Variants in CELSR1 observed in about 807,000 individuals in gnomAD.
CELSR1 encodes the protein cadherin EGF LAG seven-pass G-type receptor 1, also known as adhesion G protein-coupled receptor C1.
CELSR1 carries 110 observed loss-of-function variants against 249.1 expected under a neutral mutation model. The observed-to-expected ratio is 0.44, with a 90% CI of 0.38 to 0.52. The LOEUF (loss-of-function observed/expected upper bound fraction) is 0.52, where lower values mean the gene tolerates loss of function less well. Ranked by LOEUF, CELSR1 falls within the 20% of genes least tolerant of loss-of-function variation. CELSR1 has a pLI of 0.00. For synonymous variants in CELSR1, 2,113 were observed against 1,900.0 expected, an observed-to-expected ratio of 1.11 and a Z score of -2.92; for missense variants, 4,109 against 4,296.4, an observed-to-expected ratio of 0.96 and a Z score of 1.22.
chr22:46,484,444 G>A lies in CELSR1; in HGVS notation c.3545-20099C>T, dbSNP rs930797846. 6.6e-6 allele frequency among the ~76,000 whole-genome samples: 1 copy of A among 151,980 alleles called. No individual in the cohort carries two copies. Among genetic ancestry groups the A allele is most frequent in the African/African-American group, 2.4e-5 (1 of 41,396 alleles). On this transcript the variant is annotated intron_variant, in intron 1 of 34. Coordinates refer to ENST00000674500, the MANE Select transcript of CELSR1 (RefSeq NM_001378328.1). This position sits in a 1 kb window ranked among gnomAD's most constrained non-coding sequence, Gnocchi z 4.5. Reference sequence around the variant, plus strand: ...AGGCCTGAAATGTGTCCCCACTCAGGGGCCCTGAAATCCCTTCCAGAATAA... The same window carrying A: ...AGGCCTGAAATGTGTCCCCACTCAGAGGCCCTGAAATCCCTTCCAGAATAA...
At position 46,535,350 on chromosome 22, in the gene CELSR1, C is replaced by G. The variant is rs35637956; in HGVS notation, c.1821G>C (p.Thr607=). 4 of 1,612,332 alleles carry G rather than the reference C, an allele frequency of 2.5e-6. No homozygotes were observed. Among genetic ancestry groups the G allele is most frequent in the Non-Finnish European group, 3.4e-6 (4 of 1,179,870 alleles). Reference sequence around the variant, plus strand: ...TGCCGCCCCCCAGAAAGGTGGAGGCCGTGTCCACCAGGCGATAGTGCAGCC... The same window carrying G: ...TGCCGCCCCCCAGAAAGGTGGAGGCGGTGTCCACCAGGCGATAGTGCAGCC... ...NARLHYRLVD[T]ASTFLGGGSA... Residue 607 remains threonine, a synonymous_variant, in exon 1 of 35, where the codon ACG becomes ACC. Coordinates refer to ENST00000674500, the MANE Select transcript of CELSR1 (RefSeq NM_001378328.1).
Position 46,365,580 on chromosome 22 carries a change from C to A in CELSR1, c.8404+6G>T. On this transcript the variant is annotated splice_donor_region_variant and intron_variant, in intron 31 of 34. Coordinates refer to ENST00000674500, the MANE Select transcript of CELSR1 (RefSeq NM_001378328.1). ...ACGGGGTCCTCCCCCTCCAGGGAAG[C>A]CATACCAGGGGGATCCTTGCAGCTC... 1.3e-6 allele frequency: 2 copies of A among 1,583,648 alleles called. No individual in the cohort carries two copies. Among genetic ancestry groups the A allele is most frequent in the Non-Finnish European group, 1.7e-6 (2 of 1,164,920 alleles).
At chr22:46,438,789 C>T (rs555281399) in intron 3 of CELSR1, among the ~76,000 whole-genome samples, 15 of 152,204 alleles carry the variant, frequency 9.9e-5, no homozygotes, top group Middle Eastern at 3.4e-3. Context: ...GATGGAGTCT[C>T]GCTCTGTTGC....
chr22:46,493,864 G>C (rs938261983), intron 1 of CELSR1, among the ~76,000 whole-genome samples: 1 of 152,122 alleles, frequency 6.6e-6, no homozygotes, highest in Non-Finnish European at 1.5e-5. Flanking sequence ...GTGGGACTGT[G>C]AGTCAATTAA....
chr22:46,376,952 G>T, intron 24 of CELSR1, 109 bp downstream of exon 24: 2 of 1,059,996 alleles, frequency 1.9e-6, no homozygotes, highest in Non-Finnish European at 2.8e-6. Flanking sequence ...GCAGAGGTGG[G>T]GGTGGTGAGG....
intron 1 of CELSR1, among the ~76,000 whole-genome samples, chr22:46,479,942 C>G (rs569104424): frequency 1.3e-5 from 2 of 152,130 alleles, no homozygotes; most frequent in Admixed American, 6.5e-5. Flanking sequence ...GGGTTTGTCT[C>G]GACTGGACTC....
chr22:46,411,477 C>A lies in CELSR1; in HGVS notation c.4769+125G>T. On this transcript the variant is annotated intron_variant, in intron 6 of 34. Transcript: ENST00000674500. The surrounding 1 kb of genome is among the most constrained non-coding windows in gnomAD (Gnocchi z 4.2). ...CCATGGACAGGATGTCTGACTCTAG[C>A]CTGGAATGAGGTCGCCAGGGCACTG... The A allele has an allele frequency of 9.3e-7, 1 of 1,080,254 alleles. No individual in the cohort carries two copies. Among genetic ancestry groups the A allele is most frequent in the East Asian group, 2.6e-5 (1 of 38,652 alleles). The allele number at this position is 1,080,254 out of a possible 1,614,324, so 66.9% of individuals were successfully genotyped here. A position where few individuals can be genotyped will look rare whatever the true frequency, so the allele number is the denominator to read the frequency against.
intron 9 of CELSR1, among the ~76,000 whole-genome samples, chr22:46,404,060 G>A (rs117664381): frequency 0.016 from 2,459 of 151,244 alleles, 34 homozygotes; most frequent in Admixed American, 0.049. Flanking sequence ...AAACCACATG[G>A]TATACATTCT....
intron 5 of CELSR1, among the ~76,000 whole-genome samples, chr22:46,425,510 G>A (rs2079526735): frequency 6.6e-6 from 1 of 152,194 alleles, no homozygotes; most frequent in Non-Finnish European, 1.5e-5. Flanking sequence ...GTGAGTTGTA[G>A]TAGTTTGTGT....
At chr22:46,370,802 C>A (rs988939361) in intron 25 of CELSR1, among the ~76,000 whole-genome samples, 1 of 152,230 alleles carries the variant, frequency 6.6e-6, no homozygotes, top group East Asian at 1.9e-4. Flanking sequence ...GAGGCAGCAG[C>A]CAGTGACCAG....
chr22:46,364,453 A>G, intron 33 of CELSR1, 59 bp downstream of exon 33: 2 of 1,551,974 alleles, frequency 1.3e-6, no homozygotes, highest in East Asian at 4.5e-5. Context: ...CCTCCAGACC[A>G]GGGACTGGCC....
chr22:46,481,565 G>A, intron 1 of CELSR1: 1 of 984,008 alleles, frequency 1.0e-6, no homozygotes. Flanking sequence ...TAAGCCAGAG[G>A]CACATGGTGG....
Position 46,390,789 on chromosome 22 carries a change from G to A in CELSR1, c.6251-303C>T, listed in dbSNP as rs1231276876. Among the ~76,000 whole-genome samples, 1 of 152,188 alleles carries A rather than the reference G, an allele frequency of 6.6e-6. No homozygotes were observed. The highest frequency in any genetic ancestry group is 2.4e-5 in the African/African-American group (1 of 41,456). ...CCGGCAGCCACGATCCCATGCACCAGGAATCCATTTCGGCTGGGCCTTTCC... is the reference window on the plus strand; with the variant it reads ...CCGGCAGCCACGATCCCATGCACCAAGAATCCATTTCGGCTGGGCCTTTCC... On this transcript the variant is annotated intron_variant, in intron 16 of 34. Transcript: ENST00000674500. This position sits in a 1 kb window ranked among gnomAD's most constrained non-coding sequence, Gnocchi z 6.3.
chr22:46,383,570 A>G (rs1246602532), intron 20 of CELSR1, among the ~76,000 whole-genome samples: 2 of 152,212 alleles, frequency 1.3e-5, no homozygotes, highest in Non-Finnish European at 2.9e-5. Flanking sequence ...TCTGCTGCCC[A>G]GGCTGGGCTG....
rs2078728159 is a variant in CELSR1, at chr22:46,363,435, C to A, written c.9036-188G>T. The A allele has an allele frequency of 1.8e-6, 1 of 569,070 alleles. No individual in the cohort carries two copies. The highest frequency in any genetic ancestry group is 3.0e-5 in the East Asian group (1 of 33,664). 35.3% of individuals were successfully genotyped at this position (569,070 alleles called of 1,614,324 possible). On this transcript the variant is annotated intron_variant, in intron 34 of 34. Coordinates refer to ENST00000674500, the MANE Select transcript of CELSR1 (RefSeq NM_001378328.1). The surrounding 1 kb of genome is among the most constrained non-coding windows in gnomAD (Gnocchi z 4.3). ...TGGGAGGCAGGAGAGGGGACCAGGA[C>A]CAGCCTGTGGGCCTCTGTGTTGCTG...
At position 46,533,679 on chromosome 22, in the gene CELSR1, G is replaced by A. The variant is rs948911520; in HGVS notation, c.3492C>T (p.Arg1164=). 6.2e-6 allele frequency: 10 copies of A among 1,607,760 alleles called. 1 individual carries two copies. The highest frequency in any genetic ancestry group is 4.0e-5 in the African/African-American group (3 of 74,916). ...DPATGELQLS[R]DLDNNRPLEA... is the part of the protein sequence containing the mutation. ...CCAGCGGCCGGTTGTTGTCCAGGTC[G>A]CGGCTGAGCTGCAGTTCGCCCGTGG... Residue 1164 remains arginine (R), a synonymous_variant, in exon 1 of 35, where the codon CGC becomes CGT. Coordinates refer to ENST00000674500, the MANE Select transcript of CELSR1 (RefSeq NM_001378328.1).
Position 46,440,310 on chromosome 22 carries a change from C to A in CELSR1, c.4184-899G>T, listed in dbSNP as rs1022575738. 2.0e-5 allele frequency among the ~76,000 whole-genome samples: 3 copies of A among 152,204 alleles called. No homozygotes were observed. The highest frequency in any genetic ancestry group is 7.2e-5 in the African/African-American group (3 of 41,450). ...GCCCCCGGACAGGGATGGTGAGCCGCAATCTGCACAGCCCATGCTGCCTCC... is the reference window on the plus strand; with the variant it reads ...GCCCCCGGACAGGGATGGTGAGCCGAAATCTGCACAGCCCATGCTGCCTCC... On this transcript the variant is annotated intron_variant, in intron 2 of 34. Coordinates refer to ENST00000674500, the MANE Select transcript of CELSR1 (RefSeq NM_001378328.1). This position sits in a 1 kb window ranked among gnomAD's most constrained non-coding sequence, Gnocchi z 4.7.
At position 46,410,394 on chromosome 22, in the gene CELSR1, G is replaced by T. The variant is rs1402175632; in HGVS notation, c.4933+4C>A. 1 of 1,612,490 alleles carries T rather than the reference G, an allele frequency of 6.2e-7. No homozygotes were observed. Among genetic ancestry groups the T allele is most frequent in the South Asian group, 1.1e-5 (1 of 91,054 alleles). ...AGCTCCGACGCCCTGACGGCCACCC[G>T]TACCTTCCCGGGTGCCATTGTTGGC... is the stretch of plus-strand genomic sequence containing the variant. On this transcript the variant is annotated splice_donor_region_variant and intron_variant, in intron 7 of 34. Coordinates refer to ENST00000674500, the MANE Select transcript of CELSR1 (RefSeq NM_001378328.1). The surrounding 1 kb of genome is among the most constrained non-coding windows in gnomAD (Gnocchi z 6.8).
intron 1 of CELSR1, among the ~76,000 whole-genome samples, chr22:46,520,771 C>T (rs1424336687): frequency 1.3e-5 from 2 of 152,058 alleles, no homozygotes; most frequent in African/African-American, 4.8e-5. Flanking sequence ...TTTAAATGCA[C>T]CCACAGTTTA....
Sources: gnomAD v4.1 joint callset for allele counts (sites outside exome capture counted in the v4.1 genomes callset) on GRCh38, gnomAD v4.1.1 for gene constraint, Gnocchi (gnomAD v3.1) non-coding constraint, MANE v1.5 for transcripts, NCBI Gene and HGNC (gene_info 2026-07-23, HGNC 2026-07-21) for gene names.